Variants in SCN11A observed in about 807,000 individuals in gnomAD.
SCN11A encodes the protein sodium channel protein type 11 subunit alpha.
A neutral mutation model predicts 162.2 loss-of-function variants in SCN11A; 122 were observed. That is an observed-to-expected ratio of 0.75 (90% CI 0.65 to 0.87). The LOEUF is 0.87. Ranked by LOEUF, SCN11A falls within the 40% of genes least tolerant of loss-of-function variation. SCN11A has a pLI of 0.00. For synonymous variants in SCN11A, 758 were observed against 751.5 expected, an observed-to-expected ratio of 1.01 and a Z score of -0.14; for missense variants, 2,015 against 2,181.6, an observed-to-expected ratio of 0.92 and a Z score of 1.52.
At chr3:38,988,189 G>A (rs1295068082) in intron 2 of SCN11A, among the ~76,000 whole-genome samples, 1 of 152,106 alleles carries the variant, frequency 6.6e-6, no homozygotes, top group Admixed American at 6.6e-5. Context: ...GCCTGCCTGT[G>A]ACTTCCCCTG....
intron 7 of SCN11A, among the ~76,000 whole-genome samples, chr3:38,943,549 A>G (rs2066471214): frequency 6.6e-6 from 1 of 152,222 alleles, no homozygotes; most frequent in African/African-American, 2.4e-5. Flanking sequence ...CAAATATAGA[A>G]CTTTTAAGTT....
At chr3:38,981,537 T>TTGTGTGTG (rs10578149) in intron 2 of SCN11A, among the ~76,000 whole-genome samples, 6,155 of 145,922 alleles carry the variant, frequency 0.042, 146 homozygotes, top group Middle Eastern at 0.059. Context: ...GTGTGTGTGT[T>TTGTGTGTG]TGTGTGTGTG....
chr3:38,901,610 T>C (rs1236285929), intron 16 of SCN11A, among the ~76,000 whole-genome samples: 2 of 152,224 alleles, frequency 1.3e-5, no homozygotes, highest in Non-Finnish European at 2.9e-5. Context: ...TCTAGTCCAG[T>C]CCTGCAGAAC....
At position 38,905,224 on chromosome 3, in the gene SCN11A, C is replaced by G; in HGVS notation, c.1571G>C (p.Ser524Thr). 6.2e-7 allele frequency: 1 copy of G among 1,614,080 alleles called. No homozygotes were observed. Among genetic ancestry groups the G allele is most frequent in the Non-Finnish European group, 8.5e-7 (1 of 1,179,952 alleles). The change falls in exon 15 of 30, where the codon AGT (serine) becomes ACT (threonine). Residue 524 changes from serine to threonine, a missense_variant. Physicochemically the swap from Ser to Thr is moderately conservative, Grantham distance 58. Coordinates refer to ENST00000302328, the MANE Select transcript of SCN11A (RefSeq NM_001349253.2). ...GGTGATGGTGAGGATGCTGACAGCA[C>G]TCAGTGCTCTCTGCCTTTGGAGAGG... ...GDPLQRQRAL[S>T]AVSILTITMK...
At chr3:38,929,129 GTGCACGCACACA>G (rs1481040187) in intron 7 of SCN11A, among the ~76,000 whole-genome samples, 6 of 20,272 alleles carry the variant, frequency 3.0e-4, no homozygotes, top group African/African-American at 6.5e-4. Flanking sequence ...TACTGGGTCT[GTGCACGCACACA>G]CACACACACA....
At chr3:38,925,768 T>C (rs1183600452) in intron 8 of SCN11A, among the ~76,000 whole-genome samples, 1 of 152,260 alleles carries the variant, frequency 6.6e-6, no homozygotes, top group African/African-American at 2.4e-5. Context: ...GTTCATGTAG[T>C]TGTGGCTACA....
chr3:39,045,659 C>A (rs959313903), intron 1 of SCN11A, among the ~76,000 whole-genome samples: 1 of 152,026 alleles, frequency 6.6e-6, no homozygotes, highest in African/African-American at 2.4e-5. Flanking sequence ...CAATAAAGGC[C>A]ATATATGACA....
At chr3:38,977,775 CTT>C (rs1182147183) in intron 2 of SCN11A, among the ~76,000 whole-genome samples, 1 of 152,124 alleles carries the variant, frequency 6.6e-6, no homozygotes, top group African/African-American at 2.4e-5. Context: ...GCATGTTTTT[CTT>C]TCTCTCTACA....
chr3:38,912,523 T>C (rs2125540231), intron 11 of SCN11A, among the ~76,000 whole-genome samples: 1 of 152,306 alleles, frequency 6.6e-6, no homozygotes, highest in South Asian at 2.1e-4. Context: ...GCAGGTTTGT[T>C]ATATAGGTAA....
chr3:38,939,296 T>C (rs1472723326), intron 7 of SCN11A, among the ~76,000 whole-genome samples: 1 of 152,056 alleles, frequency 6.6e-6, no homozygotes, highest in East Asian at 1.9e-4. Context: ...AACTATAGAA[T>C]AGTTTTTAAA....
At chr3:38,860,663 A>C (rs1046210228) in intron 28 of SCN11A, among the ~76,000 whole-genome samples, 2 of 152,228 alleles carry the variant, frequency 1.3e-5, no homozygotes, top group African/African-American at 4.8e-5. Flanking sequence ...CAACAGACAC[A>C]GAAAAAGCAT....
intron 9 of SCN11A, among the ~76,000 whole-genome samples, chr3:38,922,692 G>A (rs148772256): frequency 6.6e-6 from 1 of 152,300 alleles, no homozygotes; most frequent in East Asian, 1.9e-4. Context: ...GGAGGAGGAG[G>A]AGGAGGAGAA....
At chr3:38,857,924 G>A (rs2064896874) in intron 28 of SCN11A, among the ~76,000 whole-genome samples, 1 of 152,126 alleles carries the variant, frequency 6.6e-6, no homozygotes, top group South Asian at 2.1e-4. Context: ...GAGAGATAAA[G>A]TCTTTTTCAG....
At chr3:38,966,061 C>G (rs1480713111) in intron 2 of SCN11A, among the ~76,000 whole-genome samples, 1 of 152,202 alleles carries the variant, frequency 6.6e-6, no homozygotes, top group Non-Finnish European at 1.5e-5. Context: ...GTAGAGGCAG[C>G]TGGCTTAGTA....
Position 38,924,378 on chromosome 3 carries a change from A to AT in SCN11A, c.712+1036dup, listed in dbSNP as rs375762530. Among the ~76,000 whole-genome samples the AT allele has an allele frequency of 4.2e-3, 617 of 145,430 alleles. 13 individuals carry two copies. The highest frequency in any genetic ancestry group is 2.4e-3 in the East Asian group (12 of 4,976). On this transcript the variant is annotated intron_variant, in intron 9 of 29. Coordinates refer to ENST00000302328, the MANE Select transcript of SCN11A (RefSeq NM_001349253.2). The stretch of plus-strand genomic sequence containing the variant: ...AGGTACTCACCACCACATCTAACTA[A>AT]TTTTTTTTTTTTCTGAGACAGTTTT...
intron 1 of SCN11A, among the ~76,000 whole-genome samples, chr3:39,049,277 T>C (rs933209901): frequency 2.0e-5 from 3 of 152,234 alleles, no homozygotes; most frequent in Non-Finnish European, 4.4e-5. Context: ...TTCTCAGTGA[T>C]TGAGTACACA....
At position 38,885,407 on chromosome 3, in the gene SCN11A, A is replaced by T. The variant is rs777598489; in HGVS notation, c.2950-5T>A. ...TATACTGGTAACATCAGACTTCTGC[A>T]CATCAGAACAAAACGAAGGGGGTGC... is the stretch of plus-strand genomic sequence containing the variant. On this transcript the variant is annotated splice_polypyrimidine_tract_variant and splice_region_variant and intron_variant, in intron 20 of 29. Transcript: ENST00000302328. 5 of 1,536,192 alleles carry T rather than the reference A, an allele frequency of 3.3e-6. No individual in the cohort carries two copies. Among genetic ancestry groups the T allele is most frequent in the Non-Finnish European group, 4.5e-6 (5 of 1,109,248 alleles).
chr3:38,897,673 G>A (rs567571802), intron 17 of SCN11A, among the ~76,000 whole-genome samples: 10 of 149,764 alleles, frequency 6.7e-5, no homozygotes, highest in African/African-American at 1.7e-4. Flanking sequence ...CTGAGATTGC[G>A]CCATTGCACT....
chr3:38,979,048 T>C (rs1353958482), intron 2 of SCN11A, among the ~76,000 whole-genome samples: 1 of 152,248 alleles, frequency 6.6e-6, no homozygotes, highest in Non-Finnish European at 1.5e-5. Flanking sequence ...CTCTCCTTCA[T>C]AGCACTTTTC....
Sources: gnomAD v4.1 joint callset for allele counts (sites outside exome capture counted in the v4.1 genomes callset) on GRCh38, gnomAD v4.1.1 for gene constraint, MANE v1.5 for transcripts, NCBI Gene and HGNC (gene_info 2026-07-23, HGNC 2026-07-21) for gene names.